NUP210L: variants seen among roughly 807,000 people sequenced by gnomAD.
The protein encoded by NUP210L is nucleoporin 210 like.
In NUP210L, 74 loss-of-function variants were observed where a neutral mutation model predicts 208.5. That is an observed-to-expected ratio of 0.35 (90% confidence interval 0.29 to 0.43). NUP210L has a LOEUF of 0.43. Among genes scored for constraint, NUP210L ranks in the 20% least tolerant of loss-of-function variants. The pLI, the probability that NUP210L is intolerant of heterozygous loss-of-function variation, is 1.00. For synonymous variants in NUP210L, 780 were observed against 816.9 expected (o/e 0.95, Z 0.77); for missense variants, 1,843 against 2,289.4 (o/e 0.81, Z 3.98).
chr1:154,027,440 G>A (rs1571186730), intron 29 of NUP210L, 66 bp downstream of exon 29: 2 of 1,141,058 alleles, frequency 1.8e-6, no homozygotes. Flanking sequence ...TTCTTTCTAT[G>A]TCAATGTTTT....
intron 37 of NUP210L, chr1:153,995,489 C>T (rs1649793681): frequency 3.4e-6 from 2 of 581,842 alleles, no homozygotes; most frequent in Admixed American, 2.7e-5. Flanking sequence ...TTCTTCCTAT[C>T]TCCAGAGTAA....
intron 7 of NUP210L, among the ~76,000 whole-genome samples, chr1:154,129,739 G>A (rs1658151819): frequency 6.6e-6 from 1 of 152,214 alleles, no homozygotes; most frequent in South Asian, 2.1e-4. Context: ...AACTGTTGAT[G>A]GAGGCAGAGG....
chr1:154,005,231 A>T (rs149231932), intron 35 of NUP210L, among the ~76,000 whole-genome samples: 2,753 of 149,976 alleles, frequency 0.018, 77 homozygotes, highest in African/African-American at 0.061. Flanking sequence ...TTATTTATTT[A>T]TTTTTTTGAG....
chr1:154,123,271 G>A (rs1467707684), intron 10 of NUP210L, among the ~76,000 whole-genome samples: 3 of 151,958 alleles, frequency 2.0e-5, no homozygotes, highest in Admixed American at 6.6e-5. Context: ...TCAGCCTCCC[G>A]AGTATCCGGG....
chr1:154,008,913 C>T (rs934591390), intron 35 of NUP210L, among the ~76,000 whole-genome samples: 1 of 146,034 alleles, frequency 6.8e-6, no homozygotes, highest in Middle Eastern at 3.3e-3. Context: ...TTATACCTTA[C>T]ATTTTTTTTT....
chr1:154,144,332 G>C (rs1558008478), intron 2 of NUP210L, among the ~76,000 whole-genome samples: 1 of 152,020 alleles, frequency 6.6e-6, no homozygotes, highest in Non-Finnish European at 1.5e-5. Flanking sequence ...TTTTTAAAAT[G>C]TATTTATTTA....
At chr1:154,121,700 C>T (rs1657622155) in intron 10 of NUP210L, among the ~76,000 whole-genome samples, 1 of 151,916 alleles carries the variant, frequency 6.6e-6, no homozygotes, top group African/African-American at 2.4e-5. Context: ...AATCCCGTCT[C>T]TACTAAAAAT....
At chr1:154,152,090 CAAAAAAAAAAAA>C (rs745735321) in intron 2 of NUP210L, among the ~76,000 whole-genome samples, 1 of 103,916 alleles carries the variant, frequency 9.6e-6, no homozygotes. Context: ...AACTCCGTCT[CAAAAAAAAAAAA>C]AAAAAGAAAG....
intron 25 of NUP210L, among the ~76,000 whole-genome samples, chr1:154,052,039 A>AC (rs1653533627): frequency 6.6e-6 from 1 of 152,060 alleles, no homozygotes; most frequent in Non-Finnish European, 1.5e-5. Context: ...GGACTACGGG[A>AC]CCCCCGTATG....
exon 10 of NUP210L, chr1:154,126,329 A>C: frequency 6.2e-7 from 1 of 1,609,866 alleles, no homozygotes; most frequent in Non-Finnish European, 8.5e-7. Flanking sequence ...CTACCTGGTA[A>C]ATGATGGAGG....
chr1:154,133,695 G>T (rs1035272620), intron 7 of NUP210L, among the ~76,000 whole-genome samples: 1 of 151,936 alleles, frequency 6.6e-6, no homozygotes, highest in Non-Finnish European at 1.5e-5. Flanking sequence ...ACAAAAATTA[G>T]CTGGGCGTGG....
At chr1:154,129,919 A>C (rs1658159280) in intron 7 of NUP210L, among the ~76,000 whole-genome samples, 1 of 152,236 alleles carries the variant, frequency 6.6e-6, no homozygotes, top group Non-Finnish European at 1.5e-5. Context: ...CTACCATTTC[A>C]GATAATCCTG....
intron 35 of NUP210L, among the ~76,000 whole-genome samples, chr1:154,004,348 C>G (rs950155474): frequency 2.0e-5 from 3 of 151,410 alleles, no homozygotes; most frequent in Non-Finnish European, 2.9e-5. Flanking sequence ...GGATTACAGG[C>G]GTGAGCCACT....
exon 7 of NUP210L, chr1:154,135,904 G>A (rs1658511323): frequency 6.2e-7 from 1 of 1,607,388 alleles, no homozygotes; most frequent in Non-Finnish European, 8.5e-7. Flanking sequence ...TTCTCAGAAT[G>A]AGACCCGTTA....
At chr1:154,105,891 G>C (rs1312419981) in intron 12 of NUP210L, among the ~76,000 whole-genome samples, 1 of 152,184 alleles carries the variant, frequency 6.6e-6, no homozygotes, top group East Asian at 1.9e-4. Flanking sequence ...GTAGTAGCTA[G>C]TCAGTATTTG....
chr1:154,050,504 G>T (rs1439479361), intron 25 of NUP210L, among the ~76,000 whole-genome samples: 2 of 149,632 alleles, frequency 1.3e-5, no homozygotes, highest in Non-Finnish European at 3.0e-5. Context: ...GGACTTAGTA[G>T]AATGTTTTTT....
At chr1:154,023,041 T>C in intron 31 of NUP210L, 81 bp downstream of exon 31, 2 of 1,340,468 alleles carry the variant, frequency 1.5e-6, no homozygotes, top group South Asian at 1.4e-5. Flanking sequence ...TGAGAGGAAT[T>C]TACTGGAGCT....
chr1:154,062,887 CT>C (rs530708434), intron 17 of NUP210L, among the ~76,000 whole-genome samples: 1 of 151,762 alleles, frequency 6.6e-6, no homozygotes, highest in Non-Finnish European at 1.5e-5. Flanking sequence ...GCCTTTTTTT[CT>C]TTTTTTAATT....
intron 7 of NUP210L, among the ~76,000 whole-genome samples, chr1:154,133,784 T>G (rs1236537127): frequency 6.6e-6 from 1 of 151,900 alleles, no homozygotes; most frequent in African/African-American, 2.4e-5. Flanking sequence ...CAGGTTGCAG[T>G]GAGCCAAGAG....
Sources: allele counts gnomAD v4.1 joint callset (sites outside exome capture counted in the v4.1 genomes callset), GRCh38; gene constraint gnomAD v4.1.1; transcripts MANE v1.5; gene names NCBI Gene and HGNC (gene_info 2026-07-23, HGNC 2026-07-21).